GABRR1: variants seen among roughly 807,000 people sequenced by gnomAD.
The protein encoded by GABRR1 is gamma-aminobutyric acid receptor subunit rho-1.
GABRR1 carries 59 observed loss-of-function variants against 55.5 expected under a neutral mutation model. The observed-to-expected ratio is 1.06, with a 90% CI of 0.86 to 1.32. The LOEUF (loss-of-function observed/expected upper bound fraction) is 1.32, where lower values mean the gene tolerates loss of function less well. Ranked by LOEUF, GABRR1 falls within the 40% of genes most tolerant of loss-of-function variation. The probability of loss-of-function intolerance (pLI) is 0.00; values close to 1 mark genes in which losing one functional copy is unlikely to be tolerated. For missense variants in GABRR1, 602 were observed against 619.1 expected (o/e 0.97, Z 0.29); for synonymous variants, 213 against 226.0 (o/e 0.94, Z 0.51).
At chr6:89,222,360 G>A (rs1433250597) in intron 1 of GABRR1, among the ~76,000 whole-genome samples, 1 of 152,130 alleles carries the variant, frequency 6.6e-6, no homozygotes, top group Non-Finnish European at 1.5e-5. Context: ...TCCTAAATTC[G>A]ATTCCTGTAA....
chr6:89,198,007 C>G lies in GABRR1; in HGVS notation c.572+13G>C. On this transcript the variant is annotated intron_variant, in intron 5 of 9. Transcript: ENST00000454853. ...TTTCTTGGTTAATATGAATGATCTG[C>G]CTTTCTTCCTACCTGAGACTATAGA... 6.2e-7 allele frequency: 1 copy of G among 1,607,266 alleles called. No individual in the cohort carries two copies. The highest frequency in any genetic ancestry group is 8.5e-7 in the Non-Finnish European group (1 of 1,173,952).
chr6:89,216,083 C>T (rs970918467), intron 1 of GABRR1, among the ~76,000 whole-genome samples: 1 of 152,216 alleles, frequency 6.6e-6, no homozygotes, highest in South Asian at 2.1e-4. Flanking sequence ...GGCACAGTGG[C>T]CTCCCTTAGC....
intron 1 of GABRR1, among the ~76,000 whole-genome samples, chr6:89,216,086 C>T (rs1772971100): frequency 6.6e-6 from 1 of 152,184 alleles, no homozygotes; most frequent in Non-Finnish European, 1.5e-5. Context: ...ACAGTGGCCT[C>T]CCTTAGCACC....
chr6:89,208,759 G>A (rs971508466), intron 1 of GABRR1, among the ~76,000 whole-genome samples: 10 of 152,244 alleles, frequency 6.6e-5, no homozygotes, highest in African/African-American at 2.4e-4. Flanking sequence ...GACAGAGAAA[G>A]GCATAAGGAT....
chr6:89,183,454 G>C (rs1336057325), intron 7 of GABRR1, among the ~76,000 whole-genome samples: 2 of 151,840 alleles, frequency 1.3e-5, no homozygotes, highest in East Asian at 3.9e-4. Flanking sequence ...AAGACCATGG[G>C]GTACTTAAAA....
chr6:89,213,254 C>T (rs890827229), intron 1 of GABRR1, among the ~76,000 whole-genome samples: 2 of 152,156 alleles, frequency 1.3e-5, no homozygotes, highest in African/African-American at 4.8e-5. Context: ...CCATGTTTAC[C>T]TAAGCTATTT....
At chr6:89,224,467 T>C (rs1202906992) in intron 1 of GABRR1, among the ~76,000 whole-genome samples, 3 of 152,232 alleles carry the variant, frequency 2.0e-5, no homozygotes, top group African/African-American at 7.2e-5. Context: ...TGGCCATTTG[T>C]ATGTCTTCTT....
chr6:89,215,869 A>T (rs372108136), intron 1 of GABRR1, among the ~76,000 whole-genome samples: 2 of 152,218 alleles, frequency 1.3e-5, no homozygotes, highest in East Asian at 3.8e-4. Context: ...ACTCTCTTAG[A>T]CTTCTTAATC....
chr6:89,229,566 T>G (rs982332444), intron 1 of GABRR1, among the ~76,000 whole-genome samples: 4 of 145,910 alleles, frequency 2.7e-5, no homozygotes, highest in Non-Finnish European at 6.1e-5. Flanking sequence ...AAAATTCTTT[T>G]CTTTAAGAAT....
At chr6:89,216,301 C>T (rs1772979847) in intron 1 of GABRR1, among the ~76,000 whole-genome samples, 1 of 152,200 alleles carries the variant, frequency 6.6e-6, no homozygotes, top group Non-Finnish European at 1.5e-5. Context: ...GATATCTTTT[C>T]ATATTCACTG....
intron 1 of GABRR1, among the ~76,000 whole-genome samples, chr6:89,212,732 G>T (rs1357272849): frequency 1.3e-5 from 2 of 152,100 alleles, no homozygotes; most frequent in African/African-American, 2.4e-5. Flanking sequence ...GCAGTGGCAT[G>T]ATCACGGCTC....
intron 1 of GABRR1, among the ~76,000 whole-genome samples, chr6:89,205,965 T>C (rs3818682): frequency 0.61 from 89,944 of 146,448 alleles, 27,621 homozygotes; most frequent in Middle Eastern, 0.66. Context: ...TTCTCAGACA[T>C]GTACTGCTCA....
intron 1 of GABRR1, chr6:89,205,806 T>C (rs988998854): frequency 1.3e-5 from 2 of 152,214 alleles, no homozygotes; most frequent in Non-Finnish European, 2.9e-5. Context: ...AAAATGATCA[T>C]GCTTTCTCGG....
Position 89,182,052 on chromosome 6 carries a change from A to T in GABRR1, c.802T>A (p.Tyr268Asn), listed in dbSNP as rs1248012708. Residue 268 changes from tyrosine to asparagine, a missense_variant, in exon 8 of 10, where the codon TAC becomes AAC. This residue lies in a region of GABRR1 where 435 missense variants were observed against 424.2 expected (regional missense o/e 1.03). Coordinates refer to ENST00000454853, the MANE Select transcript of GABRR1 (RefSeq NM_002042.5). ...GTGAAATTAATGTAGAGACGGTTGTACCAGCCTGGGGGACACAGGAATAAA... is the reference window on the plus strand; with the variant it reads ...GTGAAATTAATGTAGAGACGGTTGTTCCAGCCTGGGGGACACAGGAATAAA... Reference protein sequence around the residue: ...KLAFYSSTGWYNRLYINFTLR... With the variant: ...KLAFYSSTGWNNRLYINFTLR... The T allele has an allele frequency of 6.2e-7, 1 of 1,614,092 alleles. No individual in the cohort carries two copies. The highest frequency in any genetic ancestry group is 2.2e-5 in the East Asian group (1 of 44,878).
chr6:89,217,672 C>G (rs1212307942), upstream of GABRR1: 1 of 207,038 alleles, frequency 4.8e-6, no homozygotes, highest in African/African-American at 2.3e-5. Flanking sequence ...TAAAAATGGA[C>G]CAAAGCAATT....
At chr6:89,192,966 C>A (rs1019917590) in intron 5 of GABRR1, among the ~76,000 whole-genome samples, 1 of 152,210 alleles carries the variant, frequency 6.6e-6, no homozygotes, top group South Asian at 2.1e-4. Flanking sequence ...GAGTATCTCA[C>A]TTGTGGATTT....
At chr6:89,181,852 G>A (rs1562281751) in intron 8 of GABRR1, 53 bp downstream of exon 8, 2 of 1,496,466 alleles carry the variant, frequency 1.3e-6, no homozygotes, top group Non-Finnish European at 9.1e-7. Context: ...GGAAGGAATT[G>A]TTAATACCTA....
At chr6:89,225,122 C>T (rs1773178253) in intron 1 of GABRR1, among the ~76,000 whole-genome samples, 2 of 152,124 alleles carry the variant, frequency 1.3e-5, no homozygotes. Flanking sequence ...AGATTTAAGT[C>T]CTTGATACAT....
intron 1 of GABRR1, among the ~76,000 whole-genome samples, chr6:89,209,585 C>T (rs1273559546): frequency 3.3e-5 from 5 of 152,150 alleles, no homozygotes; most frequent in African/African-American, 9.7e-5. Context: ...CCTGCCCTCT[C>T]GCCTGGGGAG....
Sources: gnomAD v4.1 joint callset for allele counts (sites outside exome capture counted in the v4.1 genomes callset) on GRCh38, gnomAD v4.1.1 for gene constraint, gnomAD v4.1.1 regional missense constraint, MANE v1.5 for transcripts, NCBI Gene and HGNC (gene_info 2026-07-23, HGNC 2026-07-21) for gene names.